Variants in MVD observed in about 807,000 individuals in gnomAD.
The protein encoded by MVD is mevalonate diphosphate decarboxylase.
A neutral mutation model predicts 42.4 loss-of-function variants in MVD; 52 were observed. The observed-to-expected ratio is 1.23, with a 90% CI of 0.98 to 1.55. MVD has a LOEUF of 1.55. Among genes scored for constraint, MVD ranks in the 40% most tolerant of loss-of-function variants. MVD has a pLI of 0.00. For synonymous variants in MVD, 287 were observed against 243.2 expected (o/e 1.18, Z -1.68); for missense variants, 663 against 572.1 (o/e 1.16, Z -1.62).
At chr16:88,658,258 C>A (rs541832090) in intron 2 of MVD, among the ~76,000 whole-genome samples, 2 of 152,110 alleles carry the variant, frequency 1.3e-5, no homozygotes, top group African/African-American at 4.8e-5. Flanking sequence ...AATAAAGAGA[C>A]GGGGACTCCC....
In MVD at chr16:88,652,393, C is replaced by A. The variant is rs1454295678; in HGVS notation, c.*132G>T. ...CAGGACTCCCTGCACTGCCCCACAGCAAGCTGCCCATGGGCCCGGGGTCAA... is the reference window on the plus strand; with the variant it reads ...CAGGACTCCCTGCACTGCCCCACAGAAAGCTGCCCATGGGCCCGGGGTCAA... On this transcript the variant is annotated 3_prime_UTR_variant, in exon 10 of 10. Coordinates refer to ENST00000301012, the MANE Select transcript of MVD (RefSeq NM_002461.3). 9 of 1,008,490 alleles carry A rather than the reference C, an allele frequency of 8.9e-6. No individual in the cohort carries two copies. The highest frequency in any genetic ancestry group is 1.1e-5 in the Non-Finnish European group (7 of 664,090). The allele number at this position is 1,008,490 out of a possible 1,614,324, so 62.5% of individuals were successfully genotyped here. A position where few individuals can be genotyped will look rare whatever the true frequency, so the allele number is the denominator to read the frequency against.
At chr16:88,654,883 G>A in intron 7 of MVD, 76 bp from the exon 8 acceptor site, 4 of 1,372,732 alleles carry the variant, frequency 2.9e-6, no homozygotes, top group Non-Finnish European at 3.9e-6. Context: ...GGTCTGCCAG[G>A]CGGCCTTGGG....
Position 88,655,312 on chromosome 16 carries a change from G to T in MVD, c.784C>A (p.Gln262Lys). The T allele has an allele frequency of 6.3e-7, 1 of 1,598,228 alleles. No homozygotes were observed. The highest frequency in any genetic ancestry group is 8.5e-7 in the Non-Finnish European group (1 of 1,172,766). ...GTGTCGAGGCAGGTGGCGTGGAACTGGTTGCTGTCCTTCATGGTCAGCTGG... is the reference window on the plus strand; with the variant it reads ...GTGTCGAGGCAGGTGGCGTGGAACTTGTTGCTGTCCTTCATGGTCAGCTGG... ...FAQLTMKDSN[Q>K]FHATCLDTFP... The change falls in exon 7 of 10, where the codon CAG becomes AAG. Residue 262 changes from glutamine to lysine, a missense_variant. Transcript: ENST00000301012.
chr16:88,658,755 TCCCGGCCCACCCTCCCCC>T, intron 1 of MVD, 35 bp from the exon 2 acceptor site: 1 of 1,512,712 alleles, frequency 6.6e-7, no homozygotes, highest in Non-Finnish European at 9.0e-7. Flanking sequence ...CCGGTGGGCT[TCCCGGCCCACCCTCCCCC>T]AGTGTTCCCC....
Position 88,658,656 on chromosome 16 carries a change from C to G in MVD, c.135G>C (p.Gln45His). Residue 45 changes from glutamine to histidine, a missense_variant, in exon 2 of 10, where the codon CAG becomes CAC. Coordinates refer to ENST00000301012, the MANE Select transcript of MVD (RefSeq NM_002461.3). Reference sequence around the variant, plus strand: ...GTCGTCAGTCCACACATACCTGGTCCTGGTGCAGAGTGACGCTCAGGGAGG... The same window carrying G: ...GTCGTCAGTCCACACATACCTGGTCGTGGTGCAGAGTGACGCTCAGGGAGG... ...INSSLSVTLHQDQLKTTTTAV... is the reference protein window; with the variant it reads ...INSSLSVTLHHDQLKTTTTAV... 3 of 1,613,650 alleles carry G rather than the reference C, an allele frequency of 1.9e-6. No individual in the cohort carries two copies. Among genetic ancestry groups the G allele is most frequent in the South Asian group, 1.1e-5 (1 of 90,958 alleles).
chr16:88,655,992 C>G, intron 5 of MVD, 113 bp downstream of exon 5: 11 of 1,406,556 alleles, frequency 7.8e-6, no homozygotes, highest in Non-Finnish European at 9.5e-6. Flanking sequence ...CCCCCGCTGA[C>G]CCCAGGAGCC....
intron 8 of MVD, among the ~76,000 whole-genome samples, chr16:88,653,913 G>T (rs1231727968): frequency 6.6e-6 from 1 of 152,058 alleles, no homozygotes; most frequent in East Asian, 1.9e-4. Flanking sequence ...CACAGGGCAG[G>T]CCCCTGACCA....
intron 5 of MVD, 46 bp from the exon 6 acceptor site, chr16:88,655,776 G>A: frequency 1.3e-6 from 2 of 1,541,382 alleles, no homozygotes; most frequent in Admixed American, 2.0e-5. Context: ...CAGGGGGCCA[G>A]CCCCAAGGAC....
chr16:88,653,248 C>T, intron 9 of MVD, 52 bp downstream of exon 9: 12 of 1,473,546 alleles, frequency 8.1e-6, no homozygotes, highest in Admixed American at 2.1e-5. Context: ...CTGGGCGGGC[C>T]CCCCTGGCAG....
intron 2 of MVD, among the ~76,000 whole-genome samples, 183 bp downstream of exon 2, chr16:88,658,467 G>C (rs1180222293): frequency 1.3e-5 from 2 of 151,986 alleles, no homozygotes; most frequent in Non-Finnish European, 2.9e-5. Flanking sequence ...GTCTCACTCT[G>C]TCACCCAGGC....
intron 6 of MVD, 21 bp from the exon 7 acceptor site, chr16:88,655,438 C>G: frequency 1.3e-6 from 2 of 1,551,552 alleles, no homozygotes; most frequent in Non-Finnish European, 1.7e-6. Flanking sequence ...CAGGGTGTTT[C>G]CCATGGAGCC....
intron 1 of MVD, among the ~76,000 whole-genome samples, chr16:88,659,515 G>C (rs1908156361): frequency 6.6e-6 from 1 of 152,206 alleles, no homozygotes; most frequent in African/African-American, 2.4e-5. Context: ...TCACAGGTGA[G>C]ACTCTCACGG....
At chr16:88,657,684 C>T in intron 3 of MVD, 102 bp from the exon 4 acceptor site, 1 of 1,499,516 alleles carries the variant, frequency 6.7e-7, no homozygotes, top group Non-Finnish European at 9.1e-7. Context: ...AGGCCTCTGC[C>T]TGCCAGACTC....
In MVD at chr16:88,654,691, C is replaced by A. The variant is rs780212718; in HGVS notation, c.1013+1G>T. On this transcript the variant is annotated splice_donor_variant, in intron 8 of 9. Coordinates refer to ENST00000301012, the MANE Select transcript of MVD (RefSeq NM_002461.3). LOFTEE classifies it high-confidence loss of function. ...GGAGGAGGGGCGGGGTCCACACTCACGTGTCTCCATTCGAGCCTGGGGGAA... is the reference window on the plus strand; with the variant it reads ...GGAGGAGGGGCGGGGTCCACACTCAAGTGTCTCCATTCGAGCCTGGGGGAA... 27 of 1,596,536 alleles carry A rather than the reference C, an allele frequency of 1.7e-5. No individual in the cohort carries two copies. In the South Asian group the frequency reaches 2.8e-4, roughly 17 times the overall value.
At position 88,657,439 on chromosome 16, in the gene MVD, G is replaced by C. The variant is rs1301483388; in HGVS notation, c.400C>G (p.Leu134Val). 1.2e-6 allele frequency: 2 copies of C among 1,602,650 alleles called. No individual in the cohort carries two copies. Among genetic ancestry groups the C allele is most frequent in the African/African-American group, 2.7e-5 (2 of 74,730 alleles). Residue 134 changes from leucine (L) to valine (V), a missense_variant, in exon 4 of 10, where the codon CTA (leucine) becomes GTA (valine). Leu to Val is a conservative substitution (Grantham distance 32). Transcript: ENST00000301012. The part of the protein sequence containing the change: ...LASSAAGYAC[L>V]AYTLARVYGV... ...GCGGGTCTCTGTGGGCACCCACCTA[G>C]GCAGGCATAGCCCGCCGCTGAGGAG... is the stretch of plus-strand genomic sequence containing the variant.
At chr16:88,662,823 A>G (rs1156831903) in intron 1 of MVD, 188 bp downstream of exon 1, 3 of 1,457,608 alleles carry the variant, frequency 2.1e-6, no homozygotes, top group Admixed American at 2.7e-5. Flanking sequence ...GGTGGCGCCG[A>G]GCTTGTCACG....
intron 5 of MVD, 96 bp from the exon 6 acceptor site, chr16:88,655,826 G>A: frequency 1.4e-6 from 2 of 1,428,054 alleles, no homozygotes; most frequent in African/African-American, 1.4e-5. Context: ...GCCAATGCAG[G>A]CAGCGGGGGT....
chr16:88,658,956 C>A lies in MVD; in HGVS notation c.71-236G>T, dbSNP rs1413760377. ...AGGCCAGCCAACCTCCGTCCCCGCT[C>A]CCCATTCCTTCATCGCTTCTACTCC... On this transcript the variant is annotated intron_variant, in intron 1 of 9. Transcript: ENST00000301012. 3 of 538,240 alleles carry A rather than the reference C, an allele frequency of 5.6e-6. No individual in the cohort carries two copies. In the East Asian group the frequency reaches 9.9e-5, roughly 18 times the overall value. 33.3% of individuals were successfully genotyped at this position (538,240 alleles called of 1,614,324 possible).
At position 88,655,671 on chromosome 16, in the gene MVD, G is replaced by C. The variant is rs1314515899; in HGVS notation, c.663C>G (p.Thr221=). The change falls in exon 6 of 10, where the codon ACC becomes ACG. Residue 221 remains threonine, a synonymous_variant. Transcript: ENST00000301012. ...CTGGCCTTACCCGAAGCAGGGGGCT[G>C]GTCTCCACACTGGCCCGCATGCCCA... ...STVGMRASVE[T]SPLLRFRAES... 6.4e-7 allele frequency: 1 copy of C among 1,556,002 alleles called. No homozygotes were observed. The highest frequency in any genetic ancestry group is 8.7e-7 in the Non-Finnish European group (1 of 1,149,992).
Sources: allele counts gnomAD v4.1 joint callset (sites outside exome capture counted in the v4.1 genomes callset), GRCh38; gene constraint gnomAD v4.1.1; transcripts MANE v1.5; gene names NCBI Gene and HGNC (gene_info 2026-07-23, HGNC 2026-07-21).